The following BCAN variants were observed in gnomAD, a reference collection of about 807,000 sequenced individuals.
BCAN encodes the protein brevican.
In BCAN, 51 loss-of-function variants were observed where a neutral mutation model predicts 92.4. That is an observed-to-expected ratio of 0.55 (90% CI 0.44 to 0.70). BCAN has a LOEUF of 0.70. Among genes scored for constraint, BCAN ranks in the 30% least tolerant of loss-of-function variants. The probability of loss-of-function intolerance (pLI) is 0.00; values close to 1 mark genes in which losing one functional copy is unlikely to be tolerated. For synonymous variants in BCAN, 501 were observed against 505.2 expected (o/e 0.99, Z 0.11); for missense variants, 1,140 against 1,212.1 (o/e 0.94, Z 0.88).
chr1:156,645,268 G>A (rs1367525506), intron 1 of BCAN, among the ~76,000 whole-genome samples: 1 of 152,238 alleles, frequency 6.6e-6, no homozygotes, highest in African/African-American at 2.4e-5. Flanking sequence ...CAGAGACAGG[G>A]GCTTTGTCCC....
rs757455627 is a variant in BCAN at position 156,658,986 on chromosome 1, A to G, written c.2629-41A>G. 6.6e-7 allele frequency: 1 copy of G among 1,521,928 alleles called. No individual in the cohort carries two copies. Among genetic ancestry groups the G allele is most frequent in the South Asian group, 1.2e-5 (1 of 84,466 alleles). 94.3% of individuals were successfully genotyped at this position (1,521,928 alleles called of 1,614,324 possible). Reference sequence around the variant, plus strand: ...GAGGGCAGGCTCTGAGGAGAGGAGAAGGAAGAGCCAGGGTGGAGGGTGAGT... The same window carrying G: ...GAGGGCAGGCTCTGAGGAGAGGAGAGGGAAGAGCCAGGGTGGAGGGTGAGT... On this transcript the variant is annotated intron_variant, in intron 13 of 13. Coordinates refer to ENST00000329117, the MANE Select transcript of BCAN (RefSeq NM_021948.5). The surrounding 1 kb of genome is among the most constrained non-coding windows in gnomAD (Gnocchi z 4.4).
rs761028116 is a variant in BCAN, at chr1:156,648,125, G to A, written c.769+15G>A. The A allele has an allele frequency of 1.2e-6, 2 of 1,608,522 alleles. No individual in the cohort carries two copies. Among genetic ancestry groups the A allele is most frequent in the Admixed American group, 1.7e-5 (1 of 59,954 alleles). On this transcript the variant is annotated intron_variant, in intron 5 of 13. Coordinates refer to ENST00000329117, the MANE Select transcript of BCAN (RefSeq NM_021948.5). ...AGACCTAAATGGTGATTAGGAGTGAGAGGTTCCCAGGGGACAATTTCCTAC... is the reference window on the plus strand; with the variant it reads ...AGACCTAAATGGTGATTAGGAGTGAAAGGTTCCCAGGGGACAATTTCCTAC...
chr1:156,658,944 G>A lies in BCAN; in HGVS notation c.2629-83G>A. 4 of 1,397,988 alleles carry A rather than the reference G, an allele frequency of 2.9e-6. No homozygotes were observed. The highest frequency in any genetic ancestry group is 3.9e-6 in the Non-Finnish European group (4 of 1,017,384). The allele number at this position is 1,397,988 out of a possible 1,614,324, so 86.6% of individuals were successfully genotyped here. A position where few individuals can be genotyped will look rare whatever the true frequency, so the allele number is the denominator to read the frequency against. On this transcript the variant is annotated intron_variant, in intron 13 of 13. Coordinates refer to ENST00000329117, the MANE Select transcript of BCAN (RefSeq NM_021948.5). This position sits in a 1 kb window ranked among gnomAD's most constrained non-coding sequence, Gnocchi z 4.4. ...GCAGCCCCATTCTGGGCTCTTACGG[G>A]CTGAGCAAGAACATCAGAGGGCAGG... is the stretch of plus-strand genomic sequence containing the variant.
At chr1:156,646,333 G>A (rs1252443963) in intron 2 of BCAN, among the ~76,000 whole-genome samples, 188 bp downstream of exon 2, 1 of 152,198 alleles carries the variant, frequency 6.6e-6, no homozygotes, top group Non-Finnish European at 1.5e-5. Flanking sequence ...GCAGGACTAG[G>A]GAAGGGCACT....
At chr1:156,645,869 T>C (rs1010307240) in intron 1 of BCAN, among the ~76,000 whole-genome samples, 178 bp from the exon 2 acceptor site, 3 of 152,194 alleles carry the variant, frequency 2.0e-5, no homozygotes, top group Non-Finnish European at 2.9e-5. Context: ...GTTTTGGTTC[T>C]GAGAAGAAAT....
At position 156,650,103 on chromosome 1, in the gene BCAN, T is replaced by C. The variant is rs77023728; in HGVS notation, c.1063+1242T>C. On this transcript the variant is annotated intron_variant, in intron 6 of 13. Transcript: ENST00000329117. ...AAGTCCATAGGAAGACAGGTCCATC[T>C]GAAAAGACCTCCTGGAACAGGGGTA... is the stretch of plus-strand genomic sequence containing the variant. 6.0e-3 allele frequency among the ~76,000 whole-genome samples: 906 copies of C among 152,200 alleles called. 6 individuals are homozygous for C. Among genetic ancestry groups the C allele is most frequent in the Non-Finnish European group, 0.01 (710 of 68,008 alleles).
At chr1:156,653,525 G>A in intron 8 of BCAN, 1 of 986,262 alleles carries the variant, frequency 1.0e-6, no homozygotes, top group African/African-American at 1.7e-5. Context: ...TCATTCCATG[G>A]GTCTGTGTCA....
Position 156,658,019 on chromosome 1 carries a change from C to G in BCAN, c.2293-108C>G. 10 of 1,347,888 alleles carry G rather than the reference C, an allele frequency of 7.4e-6. No individual in the cohort carries two copies. Among genetic ancestry groups the G allele is most frequent in the Middle Eastern group, 1.9e-4 (1 of 5,246 alleles). The allele number at this position is 1,347,888 out of a possible 1,614,324, so 83.5% of individuals were successfully genotyped here. A position where few individuals can be genotyped will look rare whatever the true frequency, so the allele number is the denominator to read the frequency against. On this transcript the variant is annotated intron_variant, in intron 11 of 13. Coordinates refer to ENST00000329117, the MANE Select transcript of BCAN (RefSeq NM_021948.5). The surrounding 1 kb of genome is among the most constrained non-coding windows in gnomAD (Gnocchi z 4.4). The stretch of plus-strand genomic sequence containing the variant: ...AGATCCCCTACCCCCTAGCCCTAAC[C>G]TTCCCTCTCCTGGGGCCCCGCTCAC...
intron 6 of BCAN, among the ~76,000 whole-genome samples, chr1:156,649,734 G>A (rs560319480): frequency 1.1e-4 from 16 of 152,288 alleles, no homozygotes; most frequent in South Asian, 4.1e-4. Context: ...GAGCTGGAGC[G>A]GGAGGCAGTT....
At chr1:156,653,556 C>T (rs1679246786) in intron 8 of BCAN, 1 of 981,858 alleles carries the variant, frequency 1.0e-6, no homozygotes, top group Non-Finnish European at 1.2e-6. Flanking sequence ...TTGGATGCTT[C>T]TTCTCTGGCT....
intron 6 of BCAN, 110 bp downstream of exon 6, chr1:156,648,971 T>G: frequency 4.6e-6 from 6 of 1,314,868 alleles, no homozygotes; most frequent in Non-Finnish European, 3.1e-6. Flanking sequence ...GCCATTTGCC[T>G]GAAGTGGTCG....
Position 156,642,896 on chromosome 1 carries a change from C to T in BCAN, c.-9+621C>T, listed in dbSNP as rs1034162413. 6.6e-6 allele frequency: 1 copy of T among 152,176 alleles called. No individual in the cohort carries two copies. Among genetic ancestry groups the T allele is most frequent in the African/African-American group, 2.4e-5 (1 of 41,426 alleles). 9.4% of individuals were successfully genotyped at this position (152,176 alleles called of 1,614,324 possible). On this transcript the variant is annotated intron_variant, in intron 1 of 13. Transcript: ENST00000329117. This position sits in a 1 kb window ranked among gnomAD's most constrained non-coding sequence, Gnocchi z 4.2. ...TCTTTTTCTCACAGTTGAGGTTATC[C>T]ACAGGAAGCATTTAGGAGAACTGGC...
chr1:156,657,149 C>G (rs1348634377), intron 10 of BCAN, 53 bp downstream of exon 10: 4 of 1,588,562 alleles, frequency 2.5e-6, no homozygotes, highest in Non-Finnish European at 3.4e-6. Flanking sequence ...CTCACTCTCT[C>G]TCACTCGCCT....
intron 6 of BCAN, among the ~76,000 whole-genome samples, chr1:156,650,112 C>T (rs1244816285): frequency 6.6e-6 from 1 of 152,050 alleles, no homozygotes; most frequent in African/African-American, 2.4e-5. Context: ...CTGAAAAGAC[C>T]TCCTGGAACA....
In BCAN at chr1:156,647,167, A is replaced by G. The variant is rs745788316; in HGVS notation, c.458A>G (p.Lys153Arg). The change falls in exon 3 of 14, where the codon AAG (lysine) becomes AGG (arginine). Residue 153 changes from lysine (K) to arginine (R), a missense_variant. Transcript: ENST00000329117. The surrounding 1 kb of genome is among the most constrained non-coding windows in gnomAD (Gnocchi z 4.8). ...IDDSSDAVEV[K>R]VKGVVFLYRE... The stretch of plus-strand genomic sequence containing the variant: ...GACAGCAGCGACGCTGTGGAGGTCA[A>G]GGTCAAAGGTGAGAGGGCAGGGAGG... 2 of 1,268,812 alleles carry G rather than the reference A, an allele frequency of 1.6e-6. No individual in the cohort carries two copies. The highest frequency in any genetic ancestry group is 2.1e-6 in the Non-Finnish European group (2 of 966,750). 78.6% of individuals were successfully genotyped at this position (1,268,812 alleles called of 1,614,324 possible). A position where few individuals can be genotyped will look rare whatever the true frequency, so the allele number is the denominator to read the frequency against.
At chr1:156,649,795 G>A in intron 6 of BCAN, 5 of 497,860 alleles carry the variant, frequency 1.0e-5, no homozygotes, top group Middle Eastern at 7.0e-4. Context: ...CCGACAATAA[G>A]AGAGGCATTG....
At position 156,657,896 on chromosome 1, in the gene BCAN, C is replaced by T. The variant is rs115107621; in HGVS notation, c.2292+139C>T. The T allele has an allele frequency of 3.4e-3, 2,838 of 830,638 alleles. 58 individuals carry two copies. In the African/African-American group the frequency reaches 0.044, roughly 13 times the overall value. 51.5% of individuals were successfully genotyped at this position (830,638 alleles called of 1,614,324 possible). Reference sequence around the variant, plus strand: ...TTTCTCGTGCCCTGTGCCTCTTCTCCCTGGGCTCTCCTCCCTTCGTTGTGT... The same window carrying T: ...TTTCTCGTGCCCTGTGCCTCTTCTCTCTGGGCTCTCCTCCCTTCGTTGTGT... On this transcript the variant is annotated intron_variant, in intron 11 of 13. Coordinates refer to ENST00000329117, the MANE Select transcript of BCAN (RefSeq NM_021948.5).
At chr1:156,649,441 C>T (rs1335600935) in intron 6 of BCAN, among the ~76,000 whole-genome samples, 2 of 152,166 alleles carry the variant, frequency 1.3e-5, no homozygotes, top group African/African-American at 2.4e-5. Flanking sequence ...CTCACTCCGT[C>T]CCCCAGGCTG....
At position 156,646,053 on chromosome 1, in the gene BCAN, G is replaced by A. The variant is rs753648147; in HGVS notation, c.-2G>A. The A allele has an allele frequency of 6.2e-7, 1 of 1,611,474 alleles. No individual in the cohort carries two copies. Among genetic ancestry groups the A allele is most frequent in the Non-Finnish European group, 8.5e-7 (1 of 1,177,900 alleles). On this transcript the variant is annotated 5_prime_UTR_variant, in exon 2 of 14. Transcript: ENST00000329117. ...TCTCATGTCCCTCTGTCAGCCTGCA[G>A]CATGGCCCAGCTGTTCCTGCCCCTG...
Sources: gnomAD v4.1 joint callset for allele counts (sites outside exome capture counted in the v4.1 genomes callset) on GRCh38, gnomAD v4.1.1 for gene constraint, Gnocchi (gnomAD v3.1) non-coding constraint, MANE v1.5 for transcripts, NCBI Gene and HGNC (gene_info 2026-07-23, HGNC 2026-07-21) for gene names.